Variants in TPTE observed in about 807,000 individuals in gnomAD.
TPTE encodes transmembrane phosphatase with tensin homology.
Under a neutral mutation model 84.1 loss-of-function variants are expected in TPTE, and 59 were observed. The ratio of observed to expected loss-of-function variants is 0.70; its 90% CI spans 0.57 to 0.87. The LOEUF (loss-of-function observed/expected upper bound fraction) is 0.87, where lower values mean the gene tolerates loss of function less well. TPTE is among the 40% of genes least tolerant of loss of function. The probability of loss-of-function intolerance (pLI) is 0.00; values close to 1 mark genes in which losing one functional copy is unlikely to be tolerated. For synonymous variants in TPTE, 130 were observed against 223.5 expected (o/e 0.58, Z 3.73); for missense variants, 382 against 659.6 (o/e 0.58, Z 4.61).
At chr21:10,545,481 G>A (rs2074448518) in intron 7 of TPTE, among the ~76,000 whole-genome samples, 1 of 152,308 alleles carries the variant, frequency 6.6e-6, no homozygotes, top group African/African-American at 2.4e-5. Flanking sequence ...TTGACCTGAA[G>A]TGTACATTTT....
chr21:10,542,897 C>T (rs1455988692), intron 6 of TPTE, among the ~76,000 whole-genome samples: 2 of 152,292 alleles, frequency 1.3e-5, no homozygotes, highest in African/African-American at 4.8e-5. Context: ...TCCTACTAAG[C>T]AGTTTTTTTA....
chr21:10,551,554 A>G (rs1166633902), intron 7 of TPTE, among the ~76,000 whole-genome samples: 2 of 152,308 alleles, frequency 1.3e-5, no homozygotes, highest in East Asian at 1.9e-4. Context: ...CCAAACCCCA[A>G]ATTATTAAAA....
At chr21:10,541,478 G>GAA (rs113841373) in intron 5 of TPTE, among the ~76,000 whole-genome samples, 2 of 147,722 alleles carry the variant, frequency 1.4e-5, no homozygotes, top group African/African-American at 5.0e-5. Context: ...TTGCAAAAAT[G>GAA]AAAAAAAAAA....
In TPTE at chr21:10,590,516, C is replaced by G. The variant is rs773278292; in HGVS notation, c.1082C>G (p.Thr361Ser). The G allele has an allele frequency of 1.2e-6, 2 of 1,614,102 alleles. No individual in the cohort carries two copies. The highest frequency in any genetic ancestry group is 1.7e-6 in the Non-Finnish European group (2 of 1,179,924). ...AFLIASEICS[T>S]AKESLYYFGE... Reference sequence around the variant, plus strand: ...CTTATTGCCTCTGAAATATGTTCAACTGCAAAGGTATGAAAGATGTTCTAC... The same window carrying G: ...CTTATTGCCTCTGAAATATGTTCAAGTGCAAAGGTATGAAAGATGTTCTAC... Residue 361 changes from threonine (T) to serine (S), a missense_variant, in exon 18 of 24, where the codon ACT becomes AGT. This residue lies in a region of TPTE where 37 missense variants were observed against 28.3 expected (regional missense o/e 1.31). Transcript: ENST00000618007.
chr21:10,540,623 C>T (rs534718375), intron 4 of TPTE: 11 of 518,724 alleles, frequency 2.1e-5, no homozygotes, highest in East Asian at 5.4e-5. Context: ...AGAGCTCTAC[C>T]GTTATGTGAG....
chr21:10,588,209 T>C (rs78338584), intron 17 of TPTE, among the ~76,000 whole-genome samples: 1 of 152,250 alleles, frequency 6.6e-6, no homozygotes, highest in African/African-American at 2.4e-5. Context: ...TTTTTTTTTT[T>C]TATCAAGAAA....
chr21:10,527,919 T>C (rs1260098891), intron 3 of TPTE, among the ~76,000 whole-genome samples: 2 of 152,422 alleles, frequency 1.3e-5, no homozygotes, highest in South Asian at 4.1e-4. Flanking sequence ...AATTAGGAAA[T>C]CAAAATGGGC....
intron 23 of TPTE, among the ~76,000 whole-genome samples, 187 bp downstream of exon 23, chr21:10,603,819 A>T (rs1978917609): frequency 6.6e-6 from 1 of 152,306 alleles, no homozygotes; most frequent in African/African-American, 2.4e-5. Flanking sequence ...TGTTCTTGAG[A>T]CCCACTGTTG....
At chr21:10,533,625 A>G (rs2074217552) in intron 3 of TPTE, among the ~76,000 whole-genome samples, 1 of 152,306 alleles carries the variant, frequency 6.6e-6, no homozygotes, top group Non-Finnish European at 1.5e-5. Context: ...TTTCCTTTCA[A>G]AAGTGTCCTG....
intron 13 of TPTE, among the ~76,000 whole-genome samples, chr21:10,570,096 ATCTCAGGTTT>A (rs1219496535): frequency 1.3e-5 from 2 of 152,312 alleles, no homozygotes; most frequent in Non-Finnish European, 2.9e-5. Flanking sequence ...TGCTTTGTAG[ATCTCAGGTTT>A]TCTGAGTCAG....
At chr21:10,570,343 G>GC (rs1280006846) in intron 13 of TPTE, 142 bp from the exon 14 acceptor site, 2 of 1,420,388 alleles carry the variant, frequency 1.4e-6, no homozygotes, top group African/African-American at 2.9e-5. Flanking sequence ...ATTATCCTGA[G>GC]TATTAGCTCT....
intron 7 of TPTE, 76 bp from the exon 8 acceptor site, chr21:10,552,581 C>G: frequency 3.1e-6 from 5 of 1,602,276 alleles, no homozygotes; most frequent in South Asian, 1.1e-5. Context: ...TCTTGCTATT[C>G]AAATATATTT....
intron 1 of TPTE, among the ~76,000 whole-genome samples, chr21:10,522,206 C>G (rs1381846555): frequency 6.6e-6 from 1 of 152,294 alleles, no homozygotes; most frequent in Non-Finnish European, 1.5e-5. Context: ...CTAGGGCGCC[C>G]CCTCCCCAGC....
intron 8 of TPTE, among the ~76,000 whole-genome samples, chr21:10,554,599 A>G (rs200069159): frequency 1.3e-5 from 2 of 152,312 alleles, no homozygotes; most frequent in East Asian, 3.8e-4. Flanking sequence ...AATATAAGCA[A>G]TTTCTCCCAG....
intron 1 of TPTE, among the ~76,000 whole-genome samples, chr21:10,524,349 C>T (rs1352694519): frequency 6.6e-6 from 1 of 152,312 alleles, no homozygotes; most frequent in Admixed American, 6.5e-5. Flanking sequence ...CATTCCTTTC[C>T]CCTCCCAGGG....
intron 7 of TPTE, among the ~76,000 whole-genome samples, chr21:10,551,615 T>G (rs1452505015): frequency 6.6e-6 from 1 of 152,150 alleles, no homozygotes; most frequent in Non-Finnish European, 1.5e-5. Context: ...GAGGCAAAAA[T>G]TACAAAAGGT....
chr21:10,549,869 A>G (rs1403878216), intron 7 of TPTE, among the ~76,000 whole-genome samples: 7 of 152,304 alleles, frequency 4.6e-5, no homozygotes, highest in African/African-American at 1.4e-4. Context: ...CCCAGACATT[A>G]TAGTCAAATT....
At chr21:10,549,122 C>T (rs2074525554) in intron 7 of TPTE, among the ~76,000 whole-genome samples, 2 of 152,308 alleles carry the variant, frequency 1.3e-5, no homozygotes, top group South Asian at 4.1e-4. Flanking sequence ...TAGTGTGGAT[C>T]ACAGCTGAAT....
chr21:10,589,987 A>G (rs2075436911), intron 17 of TPTE, among the ~76,000 whole-genome samples: 1 of 152,310 alleles, frequency 6.6e-6, no homozygotes. Flanking sequence ...TGGTGTTGAT[A>G]CATGGTGTTT....
Sources: allele counts gnomAD v4.1 joint callset (sites outside exome capture counted in the v4.1 genomes callset), GRCh38; gene constraint gnomAD v4.1.1; regional missense constraint gnomAD v4.1.1; transcripts MANE v1.5; gene names NCBI Gene and HGNC (gene_info 2026-07-23, HGNC 2026-07-21).